The following SPAG16 variants were observed in gnomAD, a reference collection of about 807,000 sequenced individuals.
SPAG16 encodes sperm associated antigen 16, also known as sperm-associated antigen 16 protein.
In SPAG16, 86 loss-of-function variants were observed where a neutral mutation model predicts 80.4. That is an observed-to-expected ratio of 1.07 (90% confidence interval 0.90 to 1.28). SPAG16 has a LOEUF of 1.28. SPAG16 is among the 50% of genes most tolerant of loss of function. SPAG16 has a pLI of 0.00. For missense variants in SPAG16, 870 were observed against 765.3 expected (o/e 1.14, Z -1.61); for synonymous variants, 294 against 265.9 (o/e 1.11, Z -1.03).
At position 213,674,370 on chromosome 2, in the gene SPAG16, CT is replaced by C. The variant is rs1008866251; in HGVS notation, c.1070+184291del. On this transcript the variant is annotated intron_variant, in intron 10 of 15. Transcript: ENST00000331683. Reference sequence around the variant, plus strand: ...TCCAGGTCTCACAAATCTTGCTGCTCTTTTTTTTTTTCATTATTTTTTATTA... The same window carrying C: ...TCCAGGTCTCACAAATCTTGCTGCTCTTTTTTTTTTCATTATTTTTTATTA... Among the ~76,000 whole-genome samples, 1,183 of 142,392 alleles carry C rather than the reference CT, an allele frequency of 8.3e-3. 11 individuals are homozygous for C. Among genetic ancestry groups the C allele is most frequent in the African/African-American group, 0.023 (910 of 38,744 alleles). 93.4% of individuals were successfully genotyped at this position (142,392 alleles called of 152,430 possible).
intron 5 of SPAG16, among the ~76,000 whole-genome samples, chr2:213,330,715 A>G (rs2064059444): frequency 2.0e-5 from 3 of 152,206 alleles, no homozygotes; most frequent in African/African-American, 4.8e-5. Flanking sequence ...AATGTAAAAC[A>G]TGAGATTTGA....
intron 9 of SPAG16, among the ~76,000 whole-genome samples, chr2:213,435,436 T>C (rs1234160342): frequency 6.6e-6 from 1 of 152,168 alleles, no homozygotes; most frequent in Admixed American, 6.5e-5. Flanking sequence ...ATGGGTACAA[T>C]GTACATTATT....
chr2:213,426,014 A>G (rs2069891328), intron 9 of SPAG16, among the ~76,000 whole-genome samples: 1 of 152,224 alleles, frequency 6.6e-6, no homozygotes, highest in Admixed American at 6.5e-5. Context: ...CCAATAGGAT[A>G]GGTGAAAAAT....
intron 15 of SPAG16, among the ~76,000 whole-genome samples, chr2:214,175,240 G>T (rs1262180361): frequency 1.2e-5 from 1 of 85,546 alleles, no homozygotes; most frequent in Non-Finnish European, 2.6e-5. Context: ...TATATATAAA[G>T]AAATGTATAT....
At chr2:213,814,793 CAATAAT>C (rs111638731) in intron 10 of SPAG16, among the ~76,000 whole-genome samples, 35 of 150,320 alleles carry the variant, frequency 2.3e-4, no homozygotes, top group African/African-American at 7.6e-4. Context: ...TGTCTCAAAA[CAATAAT>C]AATAATAATA....
intron 3 of SPAG16, among the ~76,000 whole-genome samples, chr2:213,309,617 A>G (rs1359901456): frequency 6.6e-6 from 1 of 152,024 alleles, no homozygotes; most frequent in Non-Finnish European, 1.5e-5. Context: ...TGATGCAGAT[A>G]CAAACCGGAA....
chr2:214,012,667 G>A (rs974885609), intron 12 of SPAG16, among the ~76,000 whole-genome samples: 4 of 151,938 alleles, frequency 2.6e-5, no homozygotes, highest in African/African-American at 9.7e-5. Context: ...TAGTTATCCT[G>A]ATTCTATTTG....
intron 15 of SPAG16, among the ~76,000 whole-genome samples, chr2:214,171,186 C>T (rs530278634): frequency 6.6e-6 from 1 of 151,976 alleles, no homozygotes; most frequent in African/African-American, 2.4e-5. Flanking sequence ...ATTTTCTGTA[C>T]CTCAGAAAAT....
At chr2:213,604,597 T>G (rs962868663) in intron 10 of SPAG16, among the ~76,000 whole-genome samples, 1 of 152,194 alleles carries the variant, frequency 6.6e-6, no homozygotes, top group African/African-American at 2.4e-5. Flanking sequence ...TTATGGGCAC[T>G]GTCTTATTAT....
chr2:213,445,563 G>C (rs953799139), intron 9 of SPAG16, among the ~76,000 whole-genome samples: 5 of 152,150 alleles, frequency 3.3e-5, no homozygotes, highest in African/African-American at 1.2e-4. Context: ...TTTGGAGGCT[G>C]AGGCAGGAGG....
chr2:213,886,974 G>C (rs1364063451), intron 11 of SPAG16, among the ~76,000 whole-genome samples: 1 of 152,040 alleles, frequency 6.6e-6, no homozygotes, highest in Non-Finnish European at 1.5e-5. Flanking sequence ...TTTCAGAGCT[G>C]GGAGTTGGAA....
intron 10 of SPAG16, among the ~76,000 whole-genome samples, chr2:213,531,137 G>T (rs2076051804): frequency 6.6e-6 from 1 of 152,110 alleles, no homozygotes; most frequent in Non-Finnish European, 1.5e-5. Context: ...TCTGCTGAAT[G>T]ATTTGAGTGT....
chr2:214,376,674 G>A (rs1700153349), intron 15 of SPAG16, among the ~76,000 whole-genome samples: 1 of 152,116 alleles, frequency 6.6e-6, no homozygotes, highest in Non-Finnish European at 1.5e-5. Context: ...TCTTCTCTGT[G>A]TTCACATGGC....
At chr2:213,953,867 G>A (rs1357082347) in intron 12 of SPAG16, among the ~76,000 whole-genome samples, 1 of 151,938 alleles carries the variant, frequency 6.6e-6, no homozygotes, top group Non-Finnish European at 1.5e-5. Flanking sequence ...TGTATGCAAT[G>A]ATGAAGAAAA....
At chr2:213,672,833 T>G (rs540787762) in intron 10 of SPAG16, among the ~76,000 whole-genome samples, 56 of 151,694 alleles carry the variant, frequency 3.7e-4, no homozygotes, top group South Asian at 8.3e-4. Context: ...ATCAGTTTTT[T>G]TTTGTTTGTT....
chr2:213,947,391 G>A (rs550835032), intron 12 of SPAG16, among the ~76,000 whole-genome samples: 13 of 152,150 alleles, frequency 8.5e-5, no homozygotes, highest in South Asian at 4.2e-4. Context: ...CTATTCTAAC[G>A]TGTGGTGGTA....
intron 10 of SPAG16, among the ~76,000 whole-genome samples, chr2:213,518,011 G>C (rs2075504539): frequency 6.6e-6 from 1 of 152,140 alleles, no homozygotes; most frequent in Admixed American, 6.6e-5. Context: ...CAATAAACTA[G>C]ATAGACACCC....
At chr2:213,344,452 A>G (rs1031822370) in intron 6 of SPAG16, among the ~76,000 whole-genome samples, 2 of 151,978 alleles carry the variant, frequency 1.3e-5, no homozygotes, top group African/African-American at 4.8e-5. Context: ...ATATGTATAC[A>G]TGTGCCATGT....
chr2:213,377,003 G>T (rs1019359919), intron 9 of SPAG16, among the ~76,000 whole-genome samples: 1 of 152,074 alleles, frequency 6.6e-6, no homozygotes, highest in African/African-American at 2.4e-5. Flanking sequence ...TTCCTTCATA[G>T]ATTGCTTTTT....
Sources: allele counts gnomAD v4.1 joint callset (sites outside exome capture counted in the v4.1 genomes callset), GRCh38; gene constraint gnomAD v4.1.1; transcripts MANE v1.5; gene names NCBI Gene and HGNC (gene_info 2026-07-23, HGNC 2026-07-21).